RGS7: variants seen among roughly 807,000 people sequenced by gnomAD.
RGS7 encodes the protein regulator of G protein signaling 7.
A neutral mutation model predicts 81.1 loss-of-function variants in RGS7; 27 were observed. That is an observed-to-expected ratio of 0.33 (90% CI 0.25 to 0.46). The LOEUF is 0.46. Among genes scored for constraint, RGS7 ranks in the 20% least tolerant of loss-of-function variants. RGS7 has a pLI of 1.00. For synonymous variants in RGS7, 208 were observed against 207.7 expected, an observed-to-expected ratio of 1.00 and a Z score of -0.01; for missense variants, 396 against 607.4, an observed-to-expected ratio of 0.65 and a Z score of 3.66.
chr1:241,165,949 G>C (rs983765356), intron 2 of RGS7, among the ~76,000 whole-genome samples: 1 of 152,016 alleles, frequency 6.6e-6, no homozygotes, highest in Non-Finnish European at 1.5e-5. Context: ...ACACAAATTC[G>C]TAGGCCCCGC....
intron 3 of RGS7, among the ~76,000 whole-genome samples, chr1:241,029,541 A>G (rs1002513659): frequency 4.6e-5 from 7 of 152,206 alleles, no homozygotes; most frequent in Non-Finnish European, 1.5e-5. Context: ...CATGTGCAAA[A>G]TAAGAAATTT....
At chr1:241,020,758 A>T (rs1390874806) in intron 3 of RGS7, among the ~76,000 whole-genome samples, 1 of 152,198 alleles carries the variant, frequency 6.6e-6, no homozygotes, top group African/African-American at 2.4e-5. Context: ...GCCCTAGAAG[A>T]ATAGAGAGTA....
intron 1 of RGS7, 33 bp from the exon 2 acceptor site, chr1:241,355,859 C>T: frequency 9.1e-7 from 1 of 1,101,616 alleles, no homozygotes; most frequent in Admixed American, 1.7e-5. Flanking sequence ...CAGTGAGATC[C>T]CAGTGGGACT....
At chr1:241,085,439 AT>A (rs1174355821) in intron 3 of RGS7, among the ~76,000 whole-genome samples, 1 of 150,294 alleles carries the variant, frequency 6.7e-6, no homozygotes, top group Non-Finnish European at 1.5e-5. Context: ...TTATTTATTT[AT>A]TTTTGAGACA....
At chr1:241,276,666 G>T (rs2078210953) in intron 2 of RGS7, among the ~76,000 whole-genome samples, 2 of 152,134 alleles carry the variant, frequency 1.3e-5, no homozygotes. Context: ...CATCTTCTCT[G>T]ATAAAAGTAT....
chr1:241,127,531 G>A (rs537225161), intron 2 of RGS7, among the ~76,000 whole-genome samples: 95 of 152,186 alleles, frequency 6.2e-4, no homozygotes, highest in African/African-American at 2.2e-3. Flanking sequence ...ATCACACACC[G>A]GGGACTGTTG....
Position 241,271,983 on chromosome 1 carries a change from C to CTTT in RGS7, c.78+83713_78+83715dup, listed in dbSNP as rs201307171. 1.9e-4 allele frequency among the ~76,000 whole-genome samples: 24 copies of CTTT among 124,132 alleles called. No individual in the cohort carries two copies. In the East Asian group the frequency reaches 5.1e-3, roughly 26 times the overall value. The allele number at this position is 124,132 out of a possible 152,430, so 81.4% of individuals were successfully genotyped here. Reference sequence around the variant, plus strand: ...TGGAGAACCCTGACTACTAGAATTTCTTTTTTTTTTTTTTTATTTTTATTT... The same window carrying CTTT: ...TGGAGAACCCTGACTACTAGAATTTCTTTTTTTTTTTTTTTTTTATTTTTATTT... On this transcript the variant is annotated intron_variant, in intron 2 of 18. Coordinates refer to ENST00000440928, the MANE Select transcript of RGS7 (RefSeq NM_001364886.1). The surrounding 1 kb of genome is among the most constrained non-coding windows in gnomAD (Gnocchi z 4.6).
At chr1:240,794,732 C>A (rs1204782669) in intron 18 of RGS7, among the ~76,000 whole-genome samples, 1 of 152,150 alleles carries the variant, frequency 6.6e-6, no homozygotes, top group East Asian at 1.9e-4. Context: ...TACCCTGGCT[C>A]CATAGCTGGG....
At chr1:240,959,959 A>C (rs1305863203) in intron 4 of RGS7, among the ~76,000 whole-genome samples, 2 of 152,032 alleles carry the variant, frequency 1.3e-5, no homozygotes, top group Non-Finnish European at 2.9e-5. Flanking sequence ...CAGGAGTTTG[A>C]GACCAGCCTG....
At chr1:241,334,045 A>G (rs2082110107) in intron 2 of RGS7, among the ~76,000 whole-genome samples, 1 of 146,376 alleles carries the variant, frequency 6.8e-6, no homozygotes, top group African/African-American at 2.5e-5. Flanking sequence ...TATATATAGT[A>G]TATACATACA....
At chr1:240,791,275 T>C (rs192911888) in intron 18 of RGS7, among the ~76,000 whole-genome samples, 2 of 152,310 alleles carry the variant, frequency 1.3e-5, no homozygotes, top group Non-Finnish European at 2.9e-5. Context: ...TATTAGGTAC[T>C]GGCCATTGAC....
intron 2 of RGS7, among the ~76,000 whole-genome samples, chr1:241,199,375 G>C (rs12759908): frequency 0.2 from 30,285 of 151,682 alleles, 3,707 homozygotes; most frequent in Admixed American, 0.29. Flanking sequence ...ACTGAGCTGA[G>C]ATTGCGCCAC....
Position 240,827,101 on chromosome 1 carries a change from C to A in RGS7, c.681G>T (p.Arg227=). ...GCACAACAAATGACAGTTTTACCTT[C>A]CGTGTTTTGTGGGGGTTTCTCATTC... ...SSRMRNPHKT[R]KSVYGLQNDI... Residue 227 remains arginine, a synonymous_variant, in exon 10 of 19, where the codon CGG becomes CGT. Transcript: ENST00000440928. 1 of 1,612,092 alleles carries A rather than the reference C, an allele frequency of 6.2e-7. No individual in the cohort carries two copies. Among genetic ancestry groups the A allele is most frequent in the South Asian group, 1.1e-5 (1 of 91,056 alleles).
At chr1:240,920,288 T>A in intron 6 of RGS7, 1 of 1,361,062 alleles carries the variant, frequency 7.3e-7, no homozygotes, top group Non-Finnish European at 1.0e-6. Flanking sequence ...TTGGTGGGAA[T>A]GACAACTTTG....
intron 2 of RGS7, among the ~76,000 whole-genome samples, chr1:241,197,574 C>A (rs1160299204): frequency 1.6e-4 from 24 of 151,604 alleles, no homozygotes; most frequent in Admixed American, 1.5e-3. Context: ...ATCTTAATCT[C>A]AAAGTAGATG....
In RGS7 at chr1:241,272,140, C is replaced by T. The variant is rs537999886; in HGVS notation, c.78+83559G>A. Reference sequence around the variant, plus strand: ...TTCCAAGTAGCTGGGACTACAGGCACCCGCCACCACGCCTGGCTAATTTTT... The same window carrying T: ...TTCCAAGTAGCTGGGACTACAGGCATCCGCCACCACGCCTGGCTAATTTTT... On this transcript the variant is annotated intron_variant, in intron 2 of 18. Transcript: ENST00000440928. Among the ~76,000 whole-genome samples the T allele has an allele frequency of 3.3e-5, 5 of 152,090 alleles. No homozygotes were observed. In the East Asian group the frequency reaches 7.8e-4, roughly 24 times the overall value.
At chr1:241,292,588 T>C (rs1226689217) in intron 2 of RGS7, among the ~76,000 whole-genome samples, 1 of 152,126 alleles carries the variant, frequency 6.6e-6, no homozygotes, top group Non-Finnish European at 1.5e-5. Flanking sequence ...ATCTCATAAA[T>C]CCAACAGAAG....
intron 2 of RGS7, among the ~76,000 whole-genome samples, chr1:241,119,252 C>A (rs1458824993): frequency 1.3e-5 from 2 of 152,152 alleles, no homozygotes; most frequent in Non-Finnish European, 2.9e-5. Flanking sequence ...TTTTGCAAGT[C>A]TCTTCCATGT....
At chr1:241,293,648 A>G (rs986000172) in intron 2 of RGS7, among the ~76,000 whole-genome samples, 3 of 152,212 alleles carry the variant, frequency 2.0e-5, no homozygotes, top group African/African-American at 7.2e-5. Context: ...AAAAAAGAAA[A>G]TATTTTTGTA....
Sources: allele counts gnomAD v4.1 joint callset (sites outside exome capture counted in the v4.1 genomes callset), GRCh38; gene constraint gnomAD v4.1.1; non-coding constraint Gnocchi (gnomAD v3.1); transcripts MANE v1.5; gene names NCBI Gene and HGNC (gene_info 2026-07-23, HGNC 2026-07-21).